Variants in PCDH9 observed in about 807,000 individuals in gnomAD.
PCDH9 encodes the protein protocadherin 9.
Under a neutral mutation model 70.6 loss-of-function variants are expected in PCDH9, and 24 were observed. That is an observed-to-expected ratio of 0.34 (90% confidence interval 0.25 to 0.48). PCDH9 has a LOEUF of 0.48. PCDH9 is among the 20% of genes least tolerant of loss of function. The pLI is 0.99. For missense variants in PCDH9, 1,281 were observed against 1,503.6 expected, an observed-to-expected ratio of 0.85 and a Z score of 2.45; for synonymous variants, 562 against 558.5, an observed-to-expected ratio of 1.01 and a Z score of -0.09.
At chr13:66,398,465 TA>T (rs960925622) in intron 4 of PCDH9, among the ~76,000 whole-genome samples, 3 of 151,842 alleles carry the variant, frequency 2.0e-5, no homozygotes, top group Non-Finnish European at 2.9e-5. Context: ...ATTTGTCTAT[TA>T]AAAAAAATAC....
intron 4 of PCDH9, among the ~76,000 whole-genome samples, chr13:66,542,695 T>TATATATATAAAAACATATATATGTTTAA (rs1566404164): frequency 6.8e-4 from 11 of 16,218 alleles, no homozygotes; most frequent in East Asian, 0.012. Context: ...TATGTTTAAA[T>TATATATATAAAAACATATATATGTTTAA]ATATATATAT....
intron 2 of PCDH9, among the ~76,000 whole-genome samples, chr13:67,005,616 C>G (rs763650214): frequency 6.6e-6 from 1 of 152,258 alleles, no homozygotes; most frequent in Non-Finnish European, 1.5e-5. Context: ...CTTGTGAATC[C>G]TACAGCAGCA....
At chr13:66,576,898 T>C (rs1217443197) in intron 4 of PCDH9, among the ~76,000 whole-genome samples, 1 of 152,084 alleles carries the variant, frequency 6.6e-6, no homozygotes, top group Non-Finnish European at 1.5e-5. Context: ...TTTCTATCAG[T>C]GCAGTATATT....
intron 3 of PCDH9, among the ~76,000 whole-genome samples, chr13:66,854,410 C>A (rs76379750): frequency 0.013 from 1,982 of 152,194 alleles, 51 homozygotes; most frequent in African/African-American, 0.046. Flanking sequence ...CTTCATTATT[C>A]ATGGATTCTA....
At chr13:67,131,090 A>G (rs914777989) in intron 2 of PCDH9, among the ~76,000 whole-genome samples, 8 of 152,210 alleles carry the variant, frequency 5.3e-5, no homozygotes, top group Admixed American at 6.5e-5. Context: ...AACAGAGAAA[A>G]GAAAGATCAG....
intron 4 of PCDH9, among the ~76,000 whole-genome samples, chr13:66,475,155 T>C (rs775930389): frequency 2.2e-4 from 33 of 152,122 alleles, no homozygotes; most frequent in Non-Finnish European, 2.6e-4. Flanking sequence ...AAGTGCTATA[T>C]GCTCACAGCA....
intron 3 of PCDH9, among the ~76,000 whole-genome samples, chr13:66,766,535 C>T (rs2079720713): frequency 6.6e-6 from 1 of 150,942 alleles, no homozygotes. Context: ...GATAGCACAG[C>T]AGTAGTCTAC....
chr13:66,401,331 G>A (rs986435603), intron 4 of PCDH9, among the ~76,000 whole-genome samples: 1 of 146,372 alleles, frequency 6.8e-6, no homozygotes, highest in Non-Finnish European at 1.5e-5. Flanking sequence ...GAGTTATCAT[G>A]GGATCTGATG....
At chr13:67,060,239 C>T (rs553066332) in intron 2 of PCDH9, among the ~76,000 whole-genome samples, 2 of 152,148 alleles carry the variant, frequency 1.3e-5, no homozygotes, top group East Asian at 3.9e-4. Flanking sequence ...TGAGTATTTC[C>T]CATGCTTTAT....
intron 2 of PCDH9, among the ~76,000 whole-genome samples, chr13:67,138,848 A>G (rs1450879522): frequency 2.0e-5 from 3 of 152,234 alleles, no homozygotes; most frequent in Non-Finnish European, 4.4e-5. Flanking sequence ...AATAGCCTAT[A>G]CATATGAGAG....
chr13:66,532,790 C>T (rs922012748), intron 4 of PCDH9, among the ~76,000 whole-genome samples: 1 of 152,122 alleles, frequency 6.6e-6, no homozygotes, highest in African/African-American at 2.4e-5. Context: ...CACTTACTTC[C>T]ATGTCTTACT....
intron 3 of PCDH9, among the ~76,000 whole-genome samples, chr13:66,857,579 A>C (rs1029020144): frequency 6.6e-6 from 1 of 152,170 alleles, no homozygotes; most frequent in Non-Finnish European, 1.5e-5. Context: ...AACTTTATTC[A>C]TATTGACCTA....
rs933021190 is a variant in PCDH9 at position 66,926,178 on chromosome 13, T to C, written c.3037-22573A>G. On this transcript the variant is annotated intron_variant, in intron 2 of 4. Transcript: ENST00000377865. ...AAAAAAAATGAAGATATCACTTTTT[T>C]ATGTTGTACCTTTGTTCTTTAGATT... 5.3e-5 allele frequency among the ~76,000 whole-genome samples: 8 copies of C among 152,042 alleles called. No individual in the cohort carries two copies. The East Asian group carries it at 1.2e-3, about 22-fold the overall frequency.
At chr13:66,418,434 C>T (rs192608730) in intron 4 of PCDH9, among the ~76,000 whole-genome samples, 21 of 152,236 alleles carry the variant, frequency 1.4e-4, no homozygotes, top group African/African-American at 4.6e-4. Context: ...AATCAGGTAG[C>T]ATGATGCCTC....
chr13:66,665,917 A>C (rs1249280786), intron 3 of PCDH9, among the ~76,000 whole-genome samples: 2 of 152,130 alleles, frequency 1.3e-5, no homozygotes, highest in Non-Finnish European at 2.9e-5. Context: ...CCATCCACTA[A>C]AGAGGGACAT....
At chr13:67,131,002 CT>C (rs966085134) in intron 2 of PCDH9, among the ~76,000 whole-genome samples, 1 of 152,088 alleles carries the variant, frequency 6.6e-6, no homozygotes, top group Non-Finnish European at 1.5e-5. Flanking sequence ...CTCTAATGCC[CT>C]TTTCAGTGAG....
intron 3 of PCDH9, among the ~76,000 whole-genome samples, chr13:66,636,736 G>A (rs1473313414): frequency 2.0e-5 from 3 of 151,644 alleles, no homozygotes; most frequent in African/African-American, 7.3e-5. Context: ...TTCTAACTAT[G>A]TATCTATGTA....
intron 4 of PCDH9, among the ~76,000 whole-genome samples, chr13:66,469,044 T>C (rs1000074798): frequency 6.6e-6 from 1 of 152,164 alleles, no homozygotes; most frequent in Non-Finnish European, 1.5e-5. Flanking sequence ...CTAAGTTGTG[T>C]GTGTGTGGGA....
At chr13:66,332,574 A>G (rs1955962818) in intron 4 of PCDH9, among the ~76,000 whole-genome samples, 1 of 152,060 alleles carries the variant, frequency 6.6e-6, no homozygotes, top group Non-Finnish European at 1.5e-5. Context: ...TGGATGAGGC[A>G]CACAAGTCAA....
Sources: allele counts gnomAD v4.1 joint callset (sites outside exome capture counted in the v4.1 genomes callset), GRCh38; gene constraint gnomAD v4.1.1; transcripts MANE v1.5; gene names NCBI Gene and HGNC (gene_info 2026-07-23, HGNC 2026-07-21).